The following ROBO2 variants were observed in gnomAD, a reference collection of about 807,000 sequenced individuals.
ROBO2 encodes the protein roundabout guidance receptor 2.
ROBO2 carries 53 observed loss-of-function variants against 160.8 expected under a neutral mutation model. That is an observed-to-expected ratio of 0.33 (90% CI 0.26 to 0.41). The LOEUF (loss-of-function observed/expected upper bound fraction) is 0.41. Ranked by LOEUF, ROBO2 falls within the 10% of genes least tolerant of loss-of-function variation. ROBO2 has a pLI of 1.00. For synonymous variants in ROBO2, 664 were observed against 611.7 expected, an observed-to-expected ratio of 1.09 and a Z score of -1.26; for missense variants, 1,577 against 1,722.4, an observed-to-expected ratio of 0.92 and a Z score of 1.49.
intron 2 of ROBO2, among the ~76,000 whole-genome samples, chr3:77,342,241 A>G (rs566763842): frequency 6.6e-6 from 1 of 152,130 alleles, no homozygotes; most frequent in Non-Finnish European, 1.5e-5. Context: ...ATTAGGTTTT[A>G]TGTTGTACAT....
At chr3:77,161,655 C>T (rs2078498117) in intron 2 of ROBO2, among the ~76,000 whole-genome samples, 1 of 152,052 alleles carries the variant, frequency 6.6e-6, no homozygotes, top group African/African-American at 2.4e-5. Context: ...TAAGAAATCA[C>T]ATTTCAAAAT....
intron 2 of ROBO2, among the ~76,000 whole-genome samples, chr3:77,406,293 A>G (rs1231422809): frequency 6.6e-6 from 1 of 152,210 alleles, no homozygotes; most frequent in Non-Finnish European, 1.5e-5. Flanking sequence ...CTTCCTTGAT[A>G]TATGGGATTA....
At chr3:76,588,476 T>C (rs1261277588) in intron 2 of ROBO2, among the ~76,000 whole-genome samples, 2 of 152,192 alleles carry the variant, frequency 1.3e-5, no homozygotes, top group East Asian at 3.8e-4. Flanking sequence ...TATATATTTA[T>C]TTTAAAATTT....
At chr3:75,953,729 A>G (rs2107209552) in intron 2 of ROBO2, among the ~76,000 whole-genome samples, 1 of 152,058 alleles carries the variant, frequency 6.6e-6, no homozygotes, top group East Asian at 1.9e-4. Context: ...AGCAACAACA[A>G]TATAGAAACA....
upstream of ROBO2, among the ~76,000 whole-genome samples, chr3:77,038,418 T>C (rs905270894): frequency 1.1e-4 from 17 of 152,332 alleles, no homozygotes; most frequent in African/African-American, 4.1e-4. Context: ...TTCTAATTGC[T>C]TGAATGTCGC....
At chr3:77,490,151 A>AGTGC (rs2085904647) in intron 4 of ROBO2, among the ~76,000 whole-genome samples, 1 of 131,078 alleles carries the variant, frequency 7.6e-6, no homozygotes, top group African/African-American at 3.0e-5. Context: ...CCCAGGCTGG[A>AGTGC]GTGCAGGGGC....
intron 2 of ROBO2, among the ~76,000 whole-genome samples, chr3:76,697,124 T>C (rs1256132869): frequency 2.6e-5 from 4 of 152,220 alleles, no homozygotes; most frequent in Non-Finnish European, 5.9e-5. Flanking sequence ...TGACACATGG[T>C]ATTGATAGCA....
At chr3:76,659,872 G>A (rs1288727727) in intron 2 of ROBO2, among the ~76,000 whole-genome samples, 2 of 152,074 alleles carry the variant, frequency 1.3e-5, no homozygotes, top group African/African-American at 4.8e-5. Context: ...GATTTGAAGG[G>A]GATGAAGAAG....
chr3:76,056,076 G>T (rs2067834769), intron 2 of ROBO2, among the ~76,000 whole-genome samples: 1 of 151,408 alleles, frequency 6.6e-6, no homozygotes. Context: ...TTGAGAAAAT[G>T]AAAAACAAAA....
At chr3:76,212,428 T>C (rs1198037633) in intron 2 of ROBO2, among the ~76,000 whole-genome samples, 1 of 151,984 alleles carries the variant, frequency 6.6e-6, no homozygotes, top group African/African-American at 2.4e-5. Context: ...CAGGCTAAAA[T>C]AGAAATCAGA....
chr3:75,909,396 C>T (rs1676558311), intron 1 of ROBO2, among the ~76,000 whole-genome samples: 1 of 152,106 alleles, frequency 6.6e-6, no homozygotes, highest in African/African-American at 2.4e-5. Flanking sequence ...AGCTATGAAA[C>T]TTTTTGGAGT....
chr3:77,390,908 G>C (rs559143783), intron 2 of ROBO2, among the ~76,000 whole-genome samples: 158 of 152,044 alleles, frequency 1.0e-3, no homozygotes, highest in Middle Eastern at 3.4e-3. Flanking sequence ...CTCTCTTTCA[G>C]CTTGCAGGTA....
Position 76,555,412 on chromosome 3 carries a change from A to G in ROBO2, c.110-542602A>G, listed in dbSNP as rs1410959610. Among the ~76,000 whole-genome samples the G allele has an allele frequency of 1.4e-3, 96 of 70,844 alleles. 1 individual carries two copies. Among genetic ancestry groups the G allele is most frequent in the African/African-American group, 2.6e-3 (89 of 33,738 alleles). The allele number at this position is 70,844 out of a possible 152,430, so 46.5% of individuals were successfully genotyped here. The stretch of plus-strand genomic sequence containing the variant: ...GAAGAAGAAGAAGAAGAAGAAGAAG[A>G]AGAAGAAAGAAGGAGAAGGGGAAGG... On this transcript the variant is annotated intron_variant, in intron 2 of 26. Coordinates refer to the ROBO2 transcript ENST00000487694.
intron 2 of ROBO2, among the ~76,000 whole-genome samples, chr3:76,812,535 T>C (rs2065281804): frequency 6.6e-6 from 1 of 151,846 alleles, no homozygotes; most frequent in Non-Finnish European, 1.5e-5. Flanking sequence ...CAAAACACAA[T>C]AACAGAAAAG....
chr3:76,364,591 C>A (rs911602693), intron 2 of ROBO2, among the ~76,000 whole-genome samples: 3 of 151,854 alleles, frequency 2.0e-5, no homozygotes, highest in Non-Finnish European at 2.9e-5. Context: ...AAAAAATATA[C>A]CTGGACTAGT....
chr3:77,117,034 C>T (rs2074276960), intron 2 of ROBO2, among the ~76,000 whole-genome samples: 1 of 152,088 alleles, frequency 6.6e-6, no homozygotes, highest in African/African-American at 2.4e-5. Flanking sequence ...ACAAAAGTTG[C>T]AGAAATCAGA....
chr3:76,686,807 G>GA (rs999853106), intron 2 of ROBO2, among the ~76,000 whole-genome samples: 21 of 151,378 alleles, frequency 1.4e-4, no homozygotes, highest in Admixed American at 2.0e-4. Flanking sequence ...AAAAGAAAAA[G>GA]AAAAAAAAGT....
chr3:76,301,142 A>C (rs954729054), intron 2 of ROBO2, among the ~76,000 whole-genome samples: 2 of 152,118 alleles, frequency 1.3e-5, no homozygotes, highest in African/African-American at 4.8e-5. Flanking sequence ...GCATCCAGAA[A>C]TCTAAAGGAA....
At chr3:76,351,637 G>A (rs2074881959) in intron 2 of ROBO2, among the ~76,000 whole-genome samples, 1 of 151,840 alleles carries the variant, frequency 6.6e-6, no homozygotes, top group African/African-American at 2.4e-5. Flanking sequence ...TATTTCATGA[G>A]GCTTATGTTT....
Sources: gnomAD v4.1 joint callset for allele counts (sites outside exome capture counted in the v4.1 genomes callset) on GRCh38, gnomAD v4.1.1 for gene constraint, MANE v1.5 for transcripts, NCBI Gene and HGNC (gene_info 2026-07-23, HGNC 2026-07-21) for gene names.